SEM1: variants seen among roughly 807,000 people sequenced by gnomAD.
The protein encoded by SEM1 is 26S proteasome complex subunit SEM1.
A neutral mutation model predicts 12.7 loss-of-function variants in SEM1; 3 were observed. The observed-to-expected ratio is 0.24, with a 90% CI of 0.11 to 0.61. The LOEUF (loss-of-function observed/expected upper bound fraction) is 0.61, where lower values mean the gene tolerates loss of function less well. Among genes scored for constraint, SEM1 ranks in the 20% least tolerant of loss-of-function variants. The pLI is 0.88. For missense variants in SEM1, 59 were observed against 81.3 expected, an observed-to-expected ratio of 0.73 and a Z score of 1.06; for synonymous variants, 30 against 27.8, an observed-to-expected ratio of 1.08 and a Z score of -0.25.
At chr7:96,619,114 A>G (rs1163175965), downstream of SEM1, among the ~76,000 whole-genome samples, 1 of 152,220 alleles carries the variant, frequency 6.6e-6, no homozygotes, top group African/African-American at 2.4e-5. Context: ...TCTTGATTGG[A>G]AACTTGCTAG....
intron 2 of SEM1, among the ~76,000 whole-genome samples, chr7:96,541,288 T>C (rs546374989): frequency 4.5e-4 from 69 of 151,934 alleles, no homozygotes; most frequent in African/African-American, 1.6e-3. Flanking sequence ...TCATTCTGAC[T>C]GGTGTGCAGT....
intron 2 of SEM1, among the ~76,000 whole-genome samples, chr7:96,567,205 G>A (rs145856635): frequency 2.0e-5 from 3 of 151,502 alleles, no homozygotes; most frequent in East Asian, 1.9e-4. Context: ...CCAATAAAAG[G>A]TATATCATTA....
intron 2 of SEM1, among the ~76,000 whole-genome samples, chr7:96,592,026 A>G (rs1309070563): frequency 6.6e-6 from 1 of 152,136 alleles, no homozygotes; most frequent in Non-Finnish European, 1.5e-5. Flanking sequence ...AGGGAAATAA[A>G]GAGGTGCTGA....
intron 2 of SEM1, among the ~76,000 whole-genome samples, chr7:96,581,596 C>T (rs1322650739): frequency 6.6e-6 from 1 of 152,148 alleles, no homozygotes; most frequent in Non-Finnish European, 1.5e-5. Flanking sequence ...ATTCTTCCTA[C>T]CCATGAGCAT....
chr7:96,559,792 G>T (rs939118124), intron 2 of SEM1, among the ~76,000 whole-genome samples: 1 of 152,134 alleles, frequency 6.6e-6, no homozygotes, highest in African/African-American at 2.4e-5. Context: ...ACTAGCTCTG[G>T]CCAATTAGCT....
At chr7:96,639,431 A>T (rs4410848) in intron 2 of SEM1, among the ~76,000 whole-genome samples, 51,671 of 151,708 alleles carry the variant, frequency 0.34, 10,574 homozygotes, top group African/African-American at 0.58. Context: ...TAGACCCACA[A>T]AAATATATTC....
At chr7:96,580,814 G>T (rs1447885271) in intron 2 of SEM1, among the ~76,000 whole-genome samples, 1 of 151,516 alleles carries the variant, frequency 6.6e-6, no homozygotes, top group East Asian at 1.9e-4. Flanking sequence ...TTTTGATGGG[G>T]TTGTTTGTTT....
chr7:96,493,604 C>T (rs1220199854), intron 1 of SEM1, among the ~76,000 whole-genome samples: 4 of 152,154 alleles, frequency 2.6e-5, no homozygotes, highest in African/African-American at 9.7e-5. Flanking sequence ...TGTTTCCTAC[C>T]AAACCTCCAA....
At position 96,709,794 on chromosome 7, in the gene SEM1, T is replaced by A. The variant is rs754902376; in HGVS notation, c.-31A>T. On this transcript the variant is annotated 5_prime_UTR_variant, in exon 1 of 3. Transcript: ENST00000248566. ...CTGTCCGCGCCCAACACCTCCCAGA[T>A]AAGCAGAAAAGTTGGAACCCTCACT... 20 of 1,610,726 alleles carry A rather than the reference T, an allele frequency of 1.2e-5. No individual in the cohort carries two copies. The African/African-American group carries it at 1.7e-4, about 14-fold the overall frequency.
At chr7:96,553,445 A>G (rs1210620902) in intron 2 of SEM1, among the ~76,000 whole-genome samples, 1 of 149,208 alleles carries the variant, frequency 6.7e-6, no homozygotes, top group Non-Finnish European at 1.5e-5. Flanking sequence ...CATTTATTAA[A>G]TAGGGAATCC....
intron 2 of SEM1, among the ~76,000 whole-genome samples, chr7:96,524,780 C>A (rs2115666400): frequency 6.6e-6 from 1 of 152,138 alleles, no homozygotes; most frequent in Non-Finnish European, 1.5e-5. Flanking sequence ...TAGAACATCT[C>A]AATTCAGATG....
Position 96,642,490 on chromosome 7 carries a change from C to CT in SEM1, c.171-19848dup, listed in dbSNP as rs540925392. On this transcript the variant is annotated intron_variant, in intron 2 of 2. Coordinates refer to the SEM1 transcript ENST00000417009. ...TTGAGTTTCTGTTTTCTGTCTCCCT[C>CT]TTTTTTTTTCTCATAGTTTCACCTT... Among the ~76,000 whole-genome samples, 6 of 151,176 alleles carry CT rather than the reference C, an allele frequency of 4.0e-5. No individual in the cohort carries two copies. In the South Asian group the frequency reaches 8.4e-4, roughly 21 times the overall value.
At chr7:96,690,138 AT>A in intron 2 of SEM1, among the ~76,000 whole-genome samples, 1 of 152,316 alleles carries the variant, frequency 6.6e-6, no homozygotes, top group South Asian at 2.1e-4. Flanking sequence ...CTGTCTTTGA[AT>A]TTTATCTCAT....
downstream of SEM1, among the ~76,000 whole-genome samples, chr7:96,670,808 T>G (rs1291072146): frequency 6.6e-6 from 1 of 152,234 alleles, no homozygotes; most frequent in Non-Finnish European, 1.5e-5. Flanking sequence ...ACAGAGAGCA[T>G]GCAATGTGCC....
At chr7:96,540,908 A>T (rs553228871) in intron 2 of SEM1, among the ~76,000 whole-genome samples, 4 of 151,998 alleles carry the variant, frequency 2.6e-5, no homozygotes, top group Non-Finnish European at 5.9e-5. Context: ...GCTGCAAAGG[A>T]CATGATTTCA....
At chr7:96,650,224 A>G (rs1462140449) in intron 2 of SEM1, 1 of 387,890 alleles carries the variant, frequency 2.6e-6, no homozygotes, top group East Asian at 4.1e-5. Flanking sequence ...ATTTTTTCCT[A>G]TGGGCATCTT....
At chr7:96,535,082 A>G (rs1156698826) in intron 2 of SEM1, among the ~76,000 whole-genome samples, 4 of 151,994 alleles carry the variant, frequency 2.6e-5, no homozygotes, top group African/African-American at 4.8e-5. Context: ...TGTCTAACTC[A>G]TAAGTTAGAC....
At chr7:96,681,174 T>C (rs1029919251) in intron 2 of SEM1, among the ~76,000 whole-genome samples, 1 of 152,144 alleles carries the variant, frequency 6.6e-6, no homozygotes, top group African/African-American at 2.4e-5. Flanking sequence ...AATCAAGTGG[T>C]GTGTGTCAAT....
chr7:96,557,726 G>C (rs1245999939), intron 2 of SEM1, among the ~76,000 whole-genome samples: 1 of 146,636 alleles, frequency 6.8e-6, no homozygotes, highest in East Asian at 2.1e-4. Context: ...CACCCAGTTG[G>C]AGCTTCCCGG....
Sources: gnomAD v4.1 joint callset for allele counts (sites outside exome capture counted in the v4.1 genomes callset) on GRCh38, gnomAD v4.1.1 for gene constraint, MANE v1.5 for transcripts, NCBI Gene and HGNC (gene_info 2026-07-23, HGNC 2026-07-21) for gene names.